The following TMTC1 variants were observed in gnomAD, a reference collection of about 807,000 sequenced individuals.
TMTC1 encodes the protein protein O-mannosyl-transferase TMTC1.
TMTC1 carries 73 observed loss-of-function variants against 104.8 expected under a neutral mutation model. That is an observed-to-expected ratio of 0.70 (90% CI 0.58 to 0.85). The LOEUF (loss-of-function observed/expected upper bound fraction) is 0.85. TMTC1 is among the 40% of genes least tolerant of loss of function. The pLI, the probability that TMTC1 is intolerant of heterozygous loss-of-function variation, is 0.00. For missense variants in TMTC1, 1,035 were observed against 1,096.1 expected (o/e 0.94, Z 0.79); for synonymous variants, 434 against 428.7 (o/e 1.01, Z -0.15).
intron 5 of TMTC1, among the ~76,000 whole-genome samples, chr12:29,740,529 C>T (rs1255338514): frequency 6.6e-6 from 1 of 152,216 alleles, no homozygotes; most frequent in Non-Finnish European, 1.5e-5. Context: ...CCTTGCTCCT[C>T]AGCTTGCAGA....
chr12:29,694,394 A>T (rs572557827), intron 5 of TMTC1, among the ~76,000 whole-genome samples: 2 of 152,174 alleles, frequency 1.3e-5, no homozygotes, highest in Admixed American at 1.3e-4. Context: ...AAAATGGGGC[A>T]GTATTTGCAT....
At chr12:29,583,267 A>G in intron 8 of TMTC1, 140 bp downstream of exon 8, 1 of 726,542 alleles carries the variant, frequency 1.4e-6, no homozygotes, top group Non-Finnish European at 2.1e-6. Context: ...ACATAAAATT[A>G]CATCTTCCAT....
chr12:29,670,774 C>CA (rs1591900486), intron 5 of TMTC1, among the ~76,000 whole-genome samples: 1 of 150,800 alleles, frequency 6.6e-6, no homozygotes, highest in East Asian at 2.0e-4. Flanking sequence ...ATTAAAAATA[C>CA]AAAAAAATTA....
chr12:29,512,198 T>G, intron 16 of TMTC1, 78 bp from the exon 17 acceptor site: 1 of 1,205,388 alleles, frequency 8.3e-7, no homozygotes, highest in Non-Finnish European at 1.2e-6. Flanking sequence ...TTTCTTCACG[T>G]GTGAAAATTT....
At chr12:29,744,369 T>C (rs1482713199) in intron 5 of TMTC1, among the ~76,000 whole-genome samples, 1 of 152,240 alleles carries the variant, frequency 6.6e-6, no homozygotes, top group Non-Finnish European at 1.5e-5. Flanking sequence ...CTGCACATTG[T>C]ACACATGTAC....
chr12:29,579,389 A>G (rs1017114867), intron 8 of TMTC1, among the ~76,000 whole-genome samples: 1 of 152,242 alleles, frequency 6.6e-6, no homozygotes, highest in African/African-American at 2.4e-5. Flanking sequence ...CCTTTACAAA[A>G]GAATCTGTCA....
Position 29,726,362 on chromosome 12 carries a change from C to T in TMTC1, c.938+25304G>A, listed in dbSNP as rs7137571. On this transcript the variant is annotated intron_variant, in intron 5 of 17. Transcript: ENST00000539277. Reference sequence around the variant, plus strand: ...CATGAAAGCTGCTCTTTATAGACATCGGGGACATTTAAATACAATATTTAC... The same window carrying T: ...CATGAAAGCTGCTCTTTATAGACATTGGGGACATTTAAATACAATATTTAC... Among the ~76,000 whole-genome samples the T allele has an allele frequency of 6.6e-3, 1,001 of 152,186 alleles. 10 individuals carry two copies. The highest frequency in any genetic ancestry group is 0.023 in the African/African-American group (962 of 41,520).
chr12:29,543,630 G>C (rs1321869508), intron 10 of TMTC1, among the ~76,000 whole-genome samples: 1 of 151,910 alleles, frequency 6.6e-6, no homozygotes, highest in African/African-American at 2.4e-5. Context: ...GTTTTTTTTG[G>C]CATACTGACT....
At chr12:29,535,999 G>A (rs866227173) in intron 11 of TMTC1, 7 of 535,178 alleles carry the variant, frequency 1.3e-5, no homozygotes, top group South Asian at 4.8e-5. Context: ...GGCCAATAAC[G>A]GACCATCTTT....
intron 6 of TMTC1, among the ~76,000 whole-genome samples, chr12:29,610,578 T>C (rs923800570): frequency 2.0e-5 from 3 of 152,122 alleles, no homozygotes; most frequent in Non-Finnish European, 4.4e-5. Flanking sequence ...GGCAGTCTTA[T>C]GGGTAAAAAG....
chr12:29,656,665 T>C (rs1284183827), intron 5 of TMTC1, among the ~76,000 whole-genome samples: 1 of 152,212 alleles, frequency 6.6e-6, no homozygotes, highest in Admixed American at 6.5e-5. Flanking sequence ...TTCTATTCCA[T>C]CACTTTTTAT....
At chr12:29,687,719 T>C (rs1430329929) in intron 5 of TMTC1, among the ~76,000 whole-genome samples, 2 of 152,234 alleles carry the variant, frequency 1.3e-5, no homozygotes, top group Non-Finnish European at 2.9e-5. Context: ...TTTCTCACAG[T>C]TCTGGAGGGA....
At chr12:29,583,708 T>C in intron 7 of TMTC1, 134 bp from the exon 8 acceptor site, 1 of 750,926 alleles carries the variant, frequency 1.3e-6, no homozygotes, top group South Asian at 2.2e-5. Context: ...TCCCCTGCCT[T>C]GGACAATATT....
intron 5 of TMTC1, among the ~76,000 whole-genome samples, chr12:29,718,107 A>C (rs1047936666): frequency 6.6e-6 from 1 of 152,226 alleles, no homozygotes; most frequent in African/African-American, 2.4e-5. Context: ...CACCAAAACA[A>C]ACAAACAAAC....
intron 5 of TMTC1, 42 bp downstream of exon 5, chr12:29,751,624 G>A (rs1943091825): frequency 6.2e-7 from 1 of 1,607,500 alleles, no homozygotes; most frequent in Non-Finnish European, 8.5e-7. Flanking sequence ...GGTGATGCTG[G>A]ACATTGAAAA....
intron 10 of TMTC1, among the ~76,000 whole-genome samples, chr12:29,548,990 T>C (rs10843444): frequency 6.9e-6 from 1 of 145,032 alleles, no homozygotes; most frequent in African/African-American, 2.5e-5. Flanking sequence ...TAAATTAAAT[T>C]AAATATATAA....
chr12:29,628,859 A>G (rs1000866982), intron 6 of TMTC1, among the ~76,000 whole-genome samples: 1 of 151,856 alleles, frequency 6.6e-6, no homozygotes, highest in African/African-American at 2.4e-5. Flanking sequence ...ATGGGGTTTC[A>G]CCATGTTGGC....
At position 29,717,608 on chromosome 12, in the gene TMTC1, C is replaced by T. The variant is rs556339211; in HGVS notation, c.938+34058G>A. On this transcript the variant is annotated intron_variant, in intron 5 of 17. Coordinates refer to ENST00000539277, the MANE Select transcript of TMTC1 (RefSeq NM_001193451.2). ...TCATTAGCTTAACAATTTAGTTTAA[C>T]AAATTAGTTTAGAAAATTCTAAGGG... Among the ~76,000 whole-genome samples, 54 of 152,206 alleles carry T rather than the reference C, an allele frequency of 3.5e-4. 1 individual carries two copies. In the South Asian group the frequency reaches 0.011, roughly 31 times the overall value.
chr12:29,606,368 T>C (rs1029566062), intron 6 of TMTC1, among the ~76,000 whole-genome samples: 5 of 152,198 alleles, frequency 3.3e-5, no homozygotes, highest in Admixed American at 6.5e-5. Context: ...TTTTAAAAAA[T>C]CTTCACAAGA....
Sources: gnomAD v4.1 joint callset for allele counts (sites outside exome capture counted in the v4.1 genomes callset) on GRCh38, gnomAD v4.1.1 for gene constraint, MANE v1.5 for transcripts, NCBI Gene and HGNC (gene_info 2026-07-23, HGNC 2026-07-21) for gene names.